SLC16A2: variants seen among roughly 807,000 people sequenced by gnomAD.
SLC16A2 encodes monocarboxylate transporter 8.
SLC16A2 carries 3 observed loss-of-function variants against 27.2 expected under a neutral mutation model. The ratio of observed to expected loss-of-function variants is 0.11; its 90% CI spans 0.05 to 0.28. The LOEUF (loss-of-function observed/expected upper bound fraction) is 0.28, where lower values mean the gene tolerates loss of function less well. SLC16A2 is among the 10% of genes least tolerant of loss of function. SLC16A2 has a pLI of 1.00. For missense variants in SLC16A2, 295 were observed against 458.5 expected (o/e 0.64, Z 3.26); for synonymous variants, 202 against 187.8 (o/e 1.08, Z -0.62).
intron 1 of SLC16A2, among the ~76,000 whole-genome samples, chrX:74,474,971 T>A (rs1310991417): frequency 9.0e-6 from 1 of 111,462 alleles, no homozygotes; most frequent in Non-Finnish European, 1.9e-5. Flanking sequence ...GCAGCATGAT[T>A]TATAATCCTT....
chrX:74,472,890 A>T (rs748256448), intron 1 of SLC16A2: 8 of 320,386 alleles, frequency 2.5e-5, no homozygotes, highest in Non-Finnish European at 3.9e-5. Context: ...TGTCTAAAAC[A>T]TGTCTGCTTT....
At chrX:74,469,521 G>A (rs1929312648) in intron 1 of SLC16A2, among the ~76,000 whole-genome samples, 1 of 111,494 alleles carries the variant, frequency 9.0e-6, no homozygotes, top group Admixed American at 9.6e-5. Flanking sequence ...CTATTCTAGT[G>A]GTTGTGAAGT....
At chrX:74,477,073 C>T (rs1039811588) in intron 1 of SLC16A2, 2 of 111,875 alleles carry the variant, frequency 1.8e-5, no homozygotes, top group African/African-American at 6.5e-5. Context: ...CTCCTTGTAC[C>T]TCTGGTAGAA....
At chrX:74,457,215 C>T (rs1929054933) in intron 1 of SLC16A2, among the ~76,000 whole-genome samples, 2 of 111,491 alleles carry the variant, frequency 1.8e-5, no homozygotes, top group Non-Finnish European at 1.9e-5. Context: ...TTCTAGGGTA[C>T]ATGTGCACAA....
chrX:74,524,551 G>C lies in SLC16A2; in HGVS notation c.768G>C (p.Lys256Asn). ...FPFLIRMLGD[K>N]IKLAQTFQVL... ...TCCTCATCAGAATGCTGGGGGATAA[G>C]ATCAAGCTGGCCCAAACCTTCCAGG... is the stretch of plus-strand genomic sequence containing the variant. The change falls in exon 3 of 6, where the codon AAG becomes AAC. Residue 256 changes from lysine (K) to asparagine (N), a missense_variant. Coordinates refer to ENST00000587091, the MANE Select transcript of SLC16A2 (RefSeq NM_006517.5). 1 of 1,211,315 alleles carries C rather than the reference G, an allele frequency of 8.3e-7. No individual in the cohort carries two copies. Among genetic ancestry groups the C allele is most frequent in the Non-Finnish European group, 1.1e-6 (1 of 895,401 alleles).
intron 1 of SLC16A2, among the ~76,000 whole-genome samples, chrX:74,427,189 A>G (rs1042129314): frequency 8.9e-6 from 1 of 112,451 alleles, no homozygotes; most frequent in African/African-American, 3.2e-5. Flanking sequence ...TATTTCTCAG[A>G]AATGCATAGT....
At chrX:74,428,844 T>C (rs765410983) in intron 1 of SLC16A2, among the ~76,000 whole-genome samples, 1 of 112,127 alleles carries the variant, frequency 8.9e-6, no homozygotes, top group East Asian at 2.8e-4. Context: ...ATTCAACAAA[T>C]GTCGTCATTA....
chrX:74,487,573 T>C (rs1322434706), intron 1 of SLC16A2, among the ~76,000 whole-genome samples: 1 of 112,290 alleles, frequency 8.9e-6, no homozygotes, highest in Non-Finnish European at 1.9e-5. Context: ...CCAAACAAGC[T>C]CTTAATTTCT....
In SLC16A2 at chrX:74,440,918, A is replaced by T. The variant is rs1182899785; in HGVS notation, c.430+18851A>T. ...TAACTTTCAAGGAGCAATCACATAG[A>T]CGACCACTTTATTTTACACGTGAGG... On this transcript the variant is annotated intron_variant, in intron 1 of 5. Coordinates refer to ENST00000587091, the MANE Select transcript of SLC16A2 (RefSeq NM_006517.5). Among the ~76,000 whole-genome samples the T allele has an allele frequency of 2.7e-5, 3 of 110,523 alleles. No homozygotes were observed. The Admixed American group carries it at 2.9e-4, about 11-fold the overall frequency.
intron 1 of SLC16A2, among the ~76,000 whole-genome samples, chrX:74,427,122 T>C (rs1354502587): frequency 1.8e-5 from 2 of 112,111 alleles, no homozygotes; most frequent in East Asian, 5.6e-4. Flanking sequence ...TATAAACATT[T>C]CCTCAAGCCT....
chrX:74,471,720 A>C (rs1440411203), intron 1 of SLC16A2, among the ~76,000 whole-genome samples: 2 of 111,396 alleles, frequency 1.8e-5, no homozygotes, highest in Non-Finnish European at 3.8e-5. Context: ...AAGTACATTT[A>C]TGTTCTTGTG....
chrX:74,489,971 A>ACACACACAC (rs989259823), intron 1 of SLC16A2, among the ~76,000 whole-genome samples: 5 of 849 alleles, frequency 5.9e-3, no homozygotes, highest in Non-Finnish European at 0.01. Flanking sequence ...TCACACACAT[A>ACACACACAC]CACACACACA....
At position 74,491,461 on chromosome X, in the gene SLC16A2, A is replaced by G. The variant is rs182831995; in HGVS notation, c.431-29529A>G. Among the ~76,000 whole-genome samples the G allele has an allele frequency of 1.6e-3, 178 of 112,448 alleles. 1 individual carries two copies. Among genetic ancestry groups the G allele is most frequent in the Middle Eastern group, 0.014 (3 of 217 alleles). On this transcript the variant is annotated intron_variant, in intron 1 of 5. Transcript: ENST00000587091. ...TGTGGAGACCAAAGTTTAATTGTGC[A>G]GAGGAAGCTTTTAGCTAGCAGGCTT...
At chrX:74,477,926 A>C (rs1250586401) in intron 1 of SLC16A2, among the ~76,000 whole-genome samples, 3 of 111,856 alleles carry the variant, frequency 2.7e-5, no homozygotes, top group Non-Finnish European at 5.6e-5. Flanking sequence ...CAATTTTGGA[A>C]TAGGTGTGGT....
At chrX:74,434,372 A>G (rs995669672) in intron 1 of SLC16A2, among the ~76,000 whole-genome samples, 2 of 112,259 alleles carry the variant, frequency 1.8e-5, no homozygotes, top group Non-Finnish European at 3.8e-5. Context: ...GGGCAGTGGC[A>G]GAGTGGGGGC....
At chrX:74,478,825 G>C (rs1929547374) in intron 1 of SLC16A2, among the ~76,000 whole-genome samples, 1 of 111,901 alleles carries the variant, frequency 8.9e-6, no homozygotes, top group Admixed American at 9.5e-5. Context: ...ACTCTCCTCT[G>C]GCTTGTAGAG....
At chrX:74,475,077 C>T (rs1929440957) in intron 1 of SLC16A2, among the ~76,000 whole-genome samples, 1 of 110,549 alleles carries the variant, frequency 9.0e-6, no homozygotes, top group Admixed American at 9.6e-5. Flanking sequence ...AATAGTTGAA[C>T]TAGTTTACAG....
At chrX:74,492,816 C>T (rs1929855871) in intron 1 of SLC16A2, among the ~76,000 whole-genome samples, 1 of 111,206 alleles carries the variant, frequency 9.0e-6, no homozygotes, top group Admixed American at 9.6e-5. Context: ...TCTTTCCCTC[C>T]CCCTTTTAGA....
rs1192003145 is a variant in SLC16A2 at position 74,439,067 on chromosome X, A to C, written c.430+17000A>C. ...TAAAAGAAATTGGGCAGCGTGCCTA[A>C]TGAAAATTAGTCACAGAGCCTAAAT... On this transcript the variant is annotated intron_variant, in intron 1 of 5. Coordinates refer to ENST00000587091, the MANE Select transcript of SLC16A2 (RefSeq NM_006517.5). 2.2e-4 allele frequency among the ~76,000 whole-genome samples: 25 copies of C among 111,407 alleles called. 1 individual carries two copies. The Admixed American group carries it at 2.4e-3, about 11-fold the overall frequency.
Sources: allele counts gnomAD v4.1 joint callset (sites outside exome capture counted in the v4.1 genomes callset), GRCh38; gene constraint gnomAD v4.1.1; transcripts MANE v1.5; gene names NCBI Gene and HGNC (gene_info 2026-07-23, HGNC 2026-07-21).